Variants in GPD1 observed in about 807,000 individuals in gnomAD.
The protein encoded by GPD1 is glycerol-3-phosphate dehydrogenase 1.
In GPD1, 19 loss-of-function variants were observed where a neutral mutation model predicts 34.4. That is an observed-to-expected ratio of 0.55 (90% CI 0.39 to 0.81). GPD1 has a LOEUF of 0.81. GPD1 is among the 30% of genes least tolerant of loss of function. The pLI, the probability that GPD1 is intolerant of heterozygous loss-of-function variation, is 0.00. For synonymous variants in GPD1, 172 were observed against 174.1 expected (o/e 0.99, Z 0.09); for missense variants, 429 against 447.0 (o/e 0.96, Z 0.36).
chr12:50,107,332 T>C (rs1317945044), intron 5 of GPD1: 1 of 682,918 alleles, frequency 1.5e-6, no homozygotes, highest in African/African-American at 1.8e-5. Flanking sequence ...GAAGATCAAC[T>C]AGAGAGAAGA....
chr12:50,104,201 T>C (rs1950961671), intron 1 of GPD1, 110 bp downstream of exon 1: 1 of 1,022,880 alleles, frequency 9.8e-7, no homozygotes. Flanking sequence ...CAGCCCCTGC[T>C]GCTATCTTCT....
Position 50,107,577 on chromosome 12 carries a change from C to T in GPD1, c.623C>T (p.Ala208Val). The T allele has an allele frequency of 6.2e-7, 1 of 1,613,738 alleles. No homozygotes were observed. Among genetic ancestry groups the T allele is most frequent in the Non-Finnish European group, 8.5e-7 (1 of 1,179,696 alleles). ...EICGALKNVV[A>V]VGAGFCDGLG... ...CTCCACTCCTTCAAGAATGTAGTGGCCGTGGGGGCTGGCTTCTGTGATGGC... is the reference window on the plus strand; with the variant it reads ...CTCCACTCCTTCAAGAATGTAGTGGTCGTGGGGGCTGGCTTCTGTGATGGC... Residue 208 changes from alanine (A) to valine (V), a missense_variant, in exon 6 of 8, where the codon GCC becomes GTC. Physicochemically the swap from Ala to Val is moderately conservative, Grantham distance 64 (BLOSUM62 0). Coordinates refer to ENST00000301149, the MANE Select transcript of GPD1 (RefSeq NM_005276.4).
At chr12:50,104,539 C>T (rs758783182) in intron 1 of GPD1, 35 bp from the exon 2 acceptor site, 3 of 1,566,580 alleles carry the variant, frequency 1.9e-6, no homozygotes, top group Admixed American at 1.7e-5. Flanking sequence ...ACTGTTCCCT[C>T]CTCCTGTACT....
intron 1 of GPD1, chr12:50,104,347 G>A: frequency 2.8e-6 from 2 of 705,824 alleles, no homozygotes; most frequent in South Asian, 1.5e-5. Context: ...GGGGTGGGAA[G>A]ATGAGAAGTG....
In GPD1 at chr12:50,106,901, T is replaced by C. The variant is rs1950982641; in HGVS notation, c.596T>C (p.Ile199Thr). Reference protein sequence around the residue: ...TVVQEVDTVEICGALKNVVAV... With the variant: ...TVVQEVDTVETCGALKNVVAV... ...GTGCAAGAGGTGGACACAGTAGAGA[T>C]CTGTGGAGCCTTAAAGGTGAGAGGG... The change falls in exon 5 of 8, where the codon ATC (isoleucine) becomes ACC (threonine). Residue 199 changes from isoleucine (I) to threonine (T), a missense_variant. Ile to Thr is a moderately conservative substitution (Grantham distance 89). Transcript: ENST00000301149. 1 of 1,606,526 alleles carries C rather than the reference T, an allele frequency of 6.2e-7. No individual in the cohort carries two copies. The highest frequency in any genetic ancestry group is 8.5e-7 in the Non-Finnish European group (1 of 1,173,090).
At position 50,110,226 on chromosome 12, in the gene GPD1, C is replaced by G. The variant is rs1422847224; in HGVS notation, c.*707C>G. 1 of 152,808 alleles carries G rather than the reference C, an allele frequency of 6.5e-6. No individual in the cohort carries two copies. The highest frequency in any genetic ancestry group is 1.5e-5 in the Non-Finnish European group (1 of 68,156). The allele number at this position is 152,808 out of a possible 1,614,324, so 9.5% of individuals were successfully genotyped here. On this transcript the variant is annotated 3_prime_UTR_variant, in exon 8 of 8. Coordinates refer to ENST00000301149, the MANE Select transcript of GPD1 (RefSeq NM_005276.4). Reference sequence around the variant, plus strand: ...TAGCTCGGTGGCTTGACATTCTCCCCAGGGACTTCCCGGTTCCTAGTTCTT... The same window carrying G: ...TAGCTCGGTGGCTTGACATTCTCCCGAGGGACTTCCCGGTTCCTAGTTCTT...
At chr12:50,105,833 C>G in intron 3 of GPD1, 145 bp downstream of exon 3, 1 of 841,244 alleles carries the variant, frequency 1.2e-6, no homozygotes, top group Non-Finnish European at 2.0e-6. Flanking sequence ...TCTGGAGAGG[C>G]TTAGGAAAGC....
Position 50,108,060 on chromosome 12 carries a change from C to A in GPD1, c.883C>A (p.Gln295Lys). The A allele has an allele frequency of 6.2e-7, 1 of 1,612,988 alleles. No homozygotes were observed. Among genetic ancestry groups the A allele is most frequent in the Non-Finnish European group, 8.5e-7 (1 of 1,179,258 alleles). ...GCTGGAGAAAGAGTTGCTGAATGGG[C>A]AGAAACTGCAGGGGCCCGAGACAGC... is the stretch of plus-strand genomic sequence containing the variant. ...EQLEKELLNGQKLQGPETARE... is the reference protein window; with the variant it reads ...EQLEKELLNGKKLQGPETARE... Residue 295 changes from glutamine to lysine, a missense_variant, in exon 7 of 8, where the codon CAG becomes AAG. Gln to Lys is a moderately conservative substitution (Grantham distance 53). Coordinates refer to ENST00000301149, the MANE Select transcript of GPD1 (RefSeq NM_005276.4).
chr12:50,106,997 T>C (rs762170229), intron 5 of GPD1, 80 bp downstream of exon 5: 1 of 821,166 alleles, frequency 1.2e-6, no homozygotes. Context: ...AGGCTGCAGG[T>C]ACTCCAGGCT....
At chr12:50,109,261 G>T (rs1204439830) in intron 7 of GPD1, among the ~76,000 whole-genome samples, 162 bp from the exon 8 acceptor site, 1 of 152,112 alleles carries the variant, frequency 6.6e-6, no homozygotes, top group East Asian at 1.9e-4. Context: ...TTAAACCTAG[G>T]GCTAGGGAGT....
At chr12:50,107,456 A>G (rs768980116) in intron 5 of GPD1, 111 bp from the exon 6 acceptor site, 1 of 871,230 alleles carries the variant, frequency 1.1e-6, no homozygotes, top group Non-Finnish European at 2.0e-6. Flanking sequence ...GCCACACACT[A>G]TACCTCTCTT....
At position 50,107,211 on chromosome 12, in the gene GPD1, A is replaced by G. The variant is rs76583391; in HGVS notation, c.612+294A>G. The G allele has an allele frequency of 8.4e-3, 5,498 of 654,512 alleles. 210 individuals carry two copies. The African/African-American group carries it at 0.084, about 10-fold the overall frequency. 40.5% of individuals were successfully genotyped at this position (654,512 alleles called of 1,614,324 possible). ...GGTCCAGGGGGACAAGGAGATGCCC[A>G]GGCTAATGGGAGACAAAACATCCTT... On this transcript the variant is annotated intron_variant, in intron 5 of 7. Transcript: ENST00000301149.
In GPD1 at chr12:50,107,594, T is replaced by C. The variant is rs1950990228; in HGVS notation, c.640T>C (p.Cys214Arg). The part of the protein sequence containing the change: ...KNVVAVGAGF[C>R]DGLGFGDNTK... ...TGTAGTGGCCGTGGGGGCTGGCTTC[T>C]GTGATGGCCTGGGCTTTGGCGACAA... is the stretch of plus-strand genomic sequence containing the variant. Residue 214 changes from cysteine (C) to arginine (R), a missense_variant, in exon 6 of 8, where the codon TGT becomes CGT. Physicochemically the swap from Cys to Arg is radical, Grantham distance 180 (BLOSUM62 -3). Coordinates refer to ENST00000301149, the MANE Select transcript of GPD1 (RefSeq NM_005276.4). The C allele has an allele frequency of 6.2e-7, 1 of 1,613,994 alleles. No homozygotes were observed. The highest frequency in any genetic ancestry group is 1.7e-5 in the Admixed American group (1 of 60,004).
chr12:50,109,643 G>C lies in GPD1; in HGVS notation c.*124G>C. ...GCAGAGTCTTCTCATCTTTTCACTG[G>C]AGGACAGGAGGCTATGGGGCCCAGC... On this transcript the variant is annotated 3_prime_UTR_variant, in exon 8 of 8. Coordinates refer to ENST00000301149, the MANE Select transcript of GPD1 (RefSeq NM_005276.4). 1 of 628,740 alleles carries C rather than the reference G, an allele frequency of 1.6e-6. No homozygotes were observed. The highest frequency in any genetic ancestry group is 1.8e-5 in the South Asian group (1 of 55,512). 38.9% of individuals were successfully genotyped at this position (628,740 alleles called of 1,614,324 possible).
chr12:50,107,100 A>G, intron 5 of GPD1, 183 bp downstream of exon 5: 1 of 697,932 alleles, frequency 1.4e-6, no homozygotes, highest in South Asian at 1.5e-5. Context: ...AGGCCGGCTG[A>G]TTATTCATCA....
At chr12:50,105,001 G>C in intron 2 of GPD1, 1 of 511,768 alleles carries the variant, frequency 2.0e-6, no homozygotes, top group Non-Finnish European at 3.5e-6. Flanking sequence ...GGCAGCCAAA[G>C]ACTGGGCTCC....
intron 5 of GPD1, 200 bp downstream of exon 5, chr12:50,107,117 C>T (rs1370354900): frequency 1.0e-5 from 7 of 691,896 alleles, no homozygotes; most frequent in African/African-American, 3.5e-5. Flanking sequence ...ATCATCAGAC[C>T]GTGGACCCCC....
At chr12:50,109,369 G>A in intron 7 of GPD1, 54 bp from the exon 8 acceptor site, 1 of 893,358 alleles carries the variant, frequency 1.1e-6, no homozygotes, top group Non-Finnish European at 1.9e-6. Flanking sequence ...GGGGGTGGGG[G>A]TAGAGTGGAC....
At chr12:50,107,345 G>A (rs1404905793) in intron 5 of GPD1, 1 of 690,384 alleles carries the variant, frequency 1.4e-6, no homozygotes, top group Non-Finnish European at 2.6e-6. Context: ...AGAGAAGAGT[G>A]GTTTTCAGAA....
Sources: gnomAD v4.1 joint callset for allele counts (sites outside exome capture counted in the v4.1 genomes callset) on GRCh38, gnomAD v4.1.1 for gene constraint, MANE v1.5 for transcripts, NCBI Gene and HGNC (gene_info 2026-07-23, HGNC 2026-07-21) for gene names.